The following MMAA variants were observed in gnomAD, a reference collection of about 807,000 sequenced individuals.
MMAA encodes metabolism of cobalamin associated A, also known as methylmalonic aciduria type A protein, mitochondrial.
A neutral mutation model predicts 45.0 loss-of-function variants in MMAA; 41 were observed. That is an observed-to-expected ratio of 0.91 (90% CI 0.71 to 1.18). The LOEUF is 1.18. Among genes scored for constraint, MMAA ranks in the 50% most tolerant of loss-of-function variants. The pLI is 0.00. For missense variants in MMAA, 460 were observed against 495.7 expected, an observed-to-expected ratio of 0.93 and a Z score of 0.68; for synonymous variants, 154 against 178.2, an observed-to-expected ratio of 0.86 and a Z score of 1.08.
At chr4:145,648,700 C>T (rs1388095183) in intron 4 of MMAA, among the ~76,000 whole-genome samples, 2 of 152,090 alleles carry the variant, frequency 1.3e-5, no homozygotes, top group African/African-American at 2.4e-5. Context: ...TAAAAGAGAC[C>T]TAGAGCGGGC....
chr4:145,647,996 A>G (rs1433588530), intron 4 of MMAA, among the ~76,000 whole-genome samples: 1 of 147,734 alleles, frequency 6.8e-6, no homozygotes, highest in African/African-American at 2.5e-5. Context: ...AGCTGGGACT[A>G]CAGGCGCCTG....
chr4:145,629,307 T>C (rs1734274700), intron 1 of MMAA, among the ~76,000 whole-genome samples: 1 of 152,148 alleles, frequency 6.6e-6, no homozygotes, highest in African/African-American at 2.4e-5. Flanking sequence ...ATTTTTTGTA[T>C]TTTTAGTAGA....
At chr4:145,625,414 G>C in intron 1 of MMAA, 1 of 704,518 alleles carries the variant, frequency 1.4e-6, no homozygotes, top group East Asian at 3.0e-5. Flanking sequence ...TGGCAGGTTT[G>C]CTTCCAAGGA....
rs187483776 is a variant in MMAA, at chr4:145,634,446, A to G, written c.-65-4629A>G. Among the ~76,000 whole-genome samples, 12 of 151,740 alleles carry G rather than the reference A, an allele frequency of 7.9e-5. No homozygotes were observed. The East Asian group carries it at 2.3e-3, about 30-fold the overall frequency. On this transcript the variant is annotated intron_variant, in intron 1 of 6. Transcript: ENST00000649156. The stretch of plus-strand genomic sequence containing the variant: ...GGTGATGCTGGCTGATCAGGGACTT[A>G]CCCTTCAGGGCAGTGGGCTCCCCTC...
At chr4:145,621,922 T>G (rs1734097047) in intron 1 of MMAA, among the ~76,000 whole-genome samples, 1 of 152,178 alleles carries the variant, frequency 6.6e-6, no homozygotes, top group South Asian at 2.1e-4. Flanking sequence ...TTAAAATATA[T>G]TACTGTAAAA....
rs768662983 is a variant in MMAA at position 145,646,169 on chromosome 4, T to C, written c.733+13T>C. 1.5e-5 allele frequency: 25 copies of C among 1,613,788 alleles called. No individual in the cohort carries two copies. The African/African-American group carries it at 2.9e-4, about 19-fold the overall frequency. ...ATTGAAACCGTTGGTGAGTGTGATA[T>C]TCTATTTCATAACAATGTACTATTT... On this transcript the variant is annotated intron_variant, in intron 4 of 6. Transcript: ENST00000649156.
Position 145,659,621 on chromosome 4 carries a change from A to G in MMAA, c.*4187A>G. 6.6e-6 allele frequency: 1 copy of G among 152,196 alleles called. No individual in the cohort carries two copies. The allele number at this position is 152,196 out of a possible 1,614,324, so 9.4% of individuals were successfully genotyped here. A position where few individuals can be genotyped will look rare whatever the true frequency, so the allele number is the denominator to read the frequency against. ...AAAGCTCGTAACATCCACCTGGCCA[A>G]TCTTAAGATGTGGATAGAGTTCTTT... On this transcript the variant is annotated 3_prime_UTR_variant, in exon 7 of 7. Coordinates refer to ENST00000649156, the MANE Select transcript of MMAA (RefSeq NM_172250.3).
At chr4:145,649,322 G>A (rs936985826) in intron 4 of MMAA, among the ~76,000 whole-genome samples, 9 of 152,084 alleles carry the variant, frequency 5.9e-5, no homozygotes, top group Non-Finnish European at 1.2e-4. Context: ...AGGAGCCTGA[G>A]GCAGGCAGTC....
rs748496016 is a variant in MMAA, at chr4:145,655,231, A to G, written c.1054A>G (p.Ser352Gly). 3 of 1,614,172 alleles carry G rather than the reference A, an allele frequency of 1.9e-6. No homozygotes were observed. In the South Asian group the frequency reaches 3.3e-5, roughly 18 times the overall value. The change falls in exon 7 of 7, where the codon AGT becomes GGT. Residue 352 changes from serine (S) to glycine (G), a missense_variant. By Grantham distance (56) the Ser-to-Gly change is moderately conservative. Transcript: ENST00000649156. ...MKDFQDLMLA[S>G]GELTAKRRKQ... ...AGATTTCCAGGACCTAATGCTTGCCAGTGGGGAGCTGACTGCCAAACGACG... is the reference window on the plus strand; with the variant it reads ...AGATTTCCAGGACCTAATGCTTGCCGGTGGGGAGCTGACTGCCAAACGACG...
At chr4:145,642,539 A>C in intron 3 of MMAA, 54 bp downstream of exon 3, 1 of 1,611,690 alleles carries the variant, frequency 6.2e-7, no homozygotes, top group Non-Finnish European at 8.5e-7. Flanking sequence ...TTTCTGTTAC[A>C]ATTTAGTAGG....
chr4:145,620,612 A>G (rs567981320), intron 1 of MMAA, among the ~76,000 whole-genome samples: 19 of 152,360 alleles, frequency 1.2e-4, no homozygotes, highest in African/African-American at 4.6e-4. Flanking sequence ...TCACCTTAGT[A>G]CAGTCCTACA....
rs542297854 is a variant in MMAA, at chr4:145,644,172, G to A, written c.562+1687G>A. ...GTGAGAGTCTACAATTAACAGTTTT[G>A]GAATTTCTGGCTAAGACATAGGAAA... is the stretch of plus-strand genomic sequence containing the variant. On this transcript the variant is annotated intron_variant, in intron 3 of 6. Transcript: ENST00000649156. Among the ~76,000 whole-genome samples the A allele has an allele frequency of 8.5e-5, 13 of 152,234 alleles. No individual in the cohort carries two copies. In the South Asian group the frequency reaches 2.5e-3, roughly 29 times the overall value.
chr4:145,620,614 A>T (rs530368568), intron 1 of MMAA, among the ~76,000 whole-genome samples: 3 of 152,228 alleles, frequency 2.0e-5, no homozygotes, highest in African/African-American at 7.2e-5. Flanking sequence ...ACCTTAGTAC[A>T]GTCCTACACT....
chr4:145,655,050 TG>T, intron 6 of MMAA, 96 bp from the exon 7 acceptor site: 2 of 1,330,018 alleles, frequency 1.5e-6, no homozygotes, highest in Non-Finnish European at 2.1e-6. Flanking sequence ...TGCCTATTTT[TG>T]TAGACCGTAA....
At chr4:145,645,182 A>G (rs1262870518) in intron 3 of MMAA, among the ~76,000 whole-genome samples, 2 of 152,214 alleles carry the variant, frequency 1.3e-5, no homozygotes, top group African/African-American at 4.8e-5. Flanking sequence ...CAAAAATAAA[A>G]GAATGAGGAG....
intron 5 of MMAA, among the ~76,000 whole-genome samples, chr4:145,652,893 A>G (rs563758954): frequency 2.2e-4 from 34 of 151,736 alleles, no homozygotes; most frequent in African/African-American, 8.2e-4. Context: ...TTTCAGAGAC[A>G]GGGTCTCACT....
rs1402231386 is a variant in MMAA at position 145,659,581 on chromosome 4, T to C, written c.*4147T>C. 6.6e-6 allele frequency: 1 copy of C among 152,212 alleles called. No individual in the cohort carries two copies. 9.4% of individuals were successfully genotyped at this position (152,212 alleles called of 1,614,324 possible). On this transcript the variant is annotated 3_prime_UTR_variant, in exon 7 of 7. Coordinates refer to ENST00000649156, the MANE Select transcript of MMAA (RefSeq NM_172250.3). ...CTTTTAACTAACACAGAAGAAATCATGTGACCTCATTCTCAAAGCTCGTAA... is the reference window on the plus strand; with the variant it reads ...CTTTTAACTAACACAGAAGAAATCACGTGACCTCATTCTCAAAGCTCGTAA...
chr4:145,629,453 T>C (rs1734278860), intron 1 of MMAA, among the ~76,000 whole-genome samples: 1 of 152,216 alleles, frequency 6.6e-6, no homozygotes, highest in African/African-American at 2.4e-5. Flanking sequence ...TAGTATTTTA[T>C]TGAGGACTTT....
At chr4:145,630,038 C>T (rs1291669112) in intron 1 of MMAA, among the ~76,000 whole-genome samples, 2 of 152,150 alleles carry the variant, frequency 1.3e-5, no homozygotes, top group East Asian at 3.9e-4. Context: ...TTTGGAAATA[C>T]TCCCTTTTCC....
Sources: gnomAD v4.1 joint callset for allele counts (sites outside exome capture counted in the v4.1 genomes callset) on GRCh38, gnomAD v4.1.1 for gene constraint, MANE v1.5 for transcripts, NCBI Gene and HGNC (gene_info 2026-07-23, HGNC 2026-07-21) for gene names.